GSE1: variants seen among roughly 807,000 people sequenced by gnomAD.
GSE1 encodes the protein genetic suppressor element 1.
Under a neutral mutation model 112.6 loss-of-function variants are expected in GSE1, and 32 were observed. The observed-to-expected ratio is 0.28, with a 90% CI of 0.21 to 0.38. The LOEUF (loss-of-function observed/expected upper bound fraction) is 0.38. Among genes scored for constraint, GSE1 ranks in the 10% least tolerant of loss-of-function variants. The probability of loss-of-function intolerance (pLI) is 1.00; values close to 1 mark genes in which losing one functional copy is unlikely to be tolerated. For synonymous variants in GSE1, 1,115 were observed against 735.6 expected (o/e 1.52, Z -8.35); for missense variants, 2,348 against 1,699.2 (o/e 1.38, Z -6.71).
intron 1 of GSE1, among the ~76,000 whole-genome samples, chr16:85,578,177 G>A (rs551171219): frequency 2.0e-5 from 3 of 152,244 alleles, no homozygotes; most frequent in South Asian, 2.1e-4. Context: ...CCCCTGAGCC[G>A]CCCCAGATAT....
intron 1 of GSE1, among the ~76,000 whole-genome samples, chr16:85,336,829 A>G (rs1289702831): frequency 2.6e-5 from 4 of 152,224 alleles, no homozygotes; most frequent in Non-Finnish European, 5.9e-5. Context: ...ATATGTATAC[A>G]TATGTCATGC....
intron 2 of GSE1, among the ~76,000 whole-genome samples, chr16:85,472,687 C>G (rs967146993): frequency 8.5e-5 from 13 of 152,246 alleles, no homozygotes; most frequent in Admixed American, 5.2e-4. Context: ...CTTGCTCAGT[C>G]TGACCCTGCT....
chr16:85,531,703 C>T (rs909258641), intron 2 of GSE1, among the ~76,000 whole-genome samples: 7 of 152,186 alleles, frequency 4.6e-5, no homozygotes, highest in African/African-American at 1.2e-4. Flanking sequence ...AGGGACTTGA[C>T]GTCTGAGGAA....
intron 1 of GSE1, among the ~76,000 whole-genome samples, chr16:85,325,023 A>G (rs535736249): frequency 6.6e-6 from 1 of 152,208 alleles, no homozygotes; most frequent in East Asian, 1.9e-4. Context: ...GCTGGAATGC[A>G]ATGGTACAAT....
At chr16:85,370,676 T>C (rs1339304146) in intron 2 of GSE1, among the ~76,000 whole-genome samples, 1 of 151,742 alleles carries the variant, frequency 6.6e-6, no homozygotes. Flanking sequence ...GGACGGCTGC[T>C]TCTGCCTGGA....
At chr16:85,583,299 TGCAGCTCTGCCA>T (rs1178905943) in intron 1 of GSE1, 2 of 152,530 alleles carry the variant, frequency 1.3e-5, no homozygotes, top group Non-Finnish European at 2.9e-5. Flanking sequence ...CCCTGTGCCC[TGCAGCTCTGCCA>T]GCAGCCCCTG....
intron 2 of GSE1, among the ~76,000 whole-genome samples, chr16:85,487,177 G>C (rs745810885): frequency 6.6e-6 from 1 of 152,190 alleles, no homozygotes; most frequent in South Asian, 2.1e-4. Context: ...CCTGCTCGAG[G>C]TGAGCATGGA....
At chr16:85,233,316 C>T (rs575007931) in intron 1 of GSE1, among the ~76,000 whole-genome samples, 5 of 152,336 alleles carry the variant, frequency 3.3e-5, no homozygotes, top group Admixed American at 6.5e-5. Context: ...GGGTGAACAG[C>T]CCAGTGCCTG....
rs1208784127 is a variant in GSE1 at position 85,525,405 on chromosome 16, C to G, written c.2465-108509C>G. Reference sequence around the variant, plus strand: ...CAGCTGTCGGCGTGGCTGTCATCTCCCCAGCGTTGGGGAAATCCAGGATGC... The same window carrying G: ...CAGCTGTCGGCGTGGCTGTCATCTCGCCAGCGTTGGGGAAATCCAGGATGC... On this transcript the variant is annotated intron_variant, in intron 2 of 2. Transcript: ENST00000637419. Among the ~76,000 whole-genome samples the G allele has an allele frequency of 3.9e-5, 6 of 152,328 alleles. No homozygotes were observed. In the East Asian group the frequency reaches 1.2e-3, roughly 29 times the overall value.
chr16:85,474,424 G>A (rs2050389049), intron 2 of GSE1, among the ~76,000 whole-genome samples: 1 of 152,154 alleles, frequency 6.6e-6, no homozygotes, highest in Non-Finnish European at 1.5e-5. Context: ...GAGGGAGGCG[G>A]GTGGGGGACC....
chr16:85,312,950 G>T (rs927890386), intron 1 of GSE1, among the ~76,000 whole-genome samples: 1 of 152,190 alleles, frequency 6.6e-6, no homozygotes, highest in African/African-American at 2.4e-5. Flanking sequence ...AGGCCAAGGG[G>T]CAGGGGATGA....
Position 85,311,669 on chromosome 16 carries a change from CT to C in GSE1, c.2284-45793del, listed in dbSNP as rs1157826580. ...GGCTGTGTACCTGGGCCTGGTGGCT[CT>C]GTCTGTGGCTCTCTTGGGGCCCTGG... is the stretch of plus-strand genomic sequence containing the variant. On this transcript the variant is annotated intron_variant, in intron 1 of 2. Transcript: ENST00000637419. The surrounding 1 kb of genome is among the most constrained non-coding windows in gnomAD (Gnocchi z 4.2). 6.6e-6 allele frequency among the ~76,000 whole-genome samples: 1 copy of C among 152,124 alleles called. No individual in the cohort carries two copies. The highest frequency in any genetic ancestry group is 1.9e-4 in the East Asian group (1 of 5,184).
Position 85,673,775 on chromosome 16 carries a change from C to G in GSE1, c.*1236C>G, listed in dbSNP as rs1209621827. On this transcript the variant is annotated 3_prime_UTR_variant, in exon 16 of 16. Coordinates refer to ENST00000253458, the MANE Select transcript of GSE1 (RefSeq NM_014615.5). Reference sequence around the variant, plus strand: ...GGTAGTCTGTAGAACCCATGTGTGACAGTCATGTGCACACATGGGCGGGGG... The same window carrying G: ...GGTAGTCTGTAGAACCCATGTGTGAGAGTCATGTGCACACATGGGCGGGGG... The G allele has an allele frequency of 6.6e-6, 1 of 152,162 alleles. No homozygotes were observed. Among genetic ancestry groups the G allele is most frequent in the African/African-American group, 2.4e-5 (1 of 41,418 alleles). 9.4% of individuals were successfully genotyped at this position (152,162 alleles called of 1,614,324 possible).
Position 85,419,576 on chromosome 16 carries a change from A to C in GSE1, c.2464+61933A>C, listed in dbSNP as rs2048780686. Among the ~76,000 whole-genome samples the C allele has an allele frequency of 6.6e-6, 1 of 151,268 alleles. No individual in the cohort carries two copies. The highest frequency in any genetic ancestry group is 6.6e-5 in the Admixed American group (1 of 15,144). On this transcript the variant is annotated intron_variant, in intron 2 of 2. Transcript: ENST00000637419. The surrounding 1 kb of genome is among the most constrained non-coding windows in gnomAD (Gnocchi z 6.5). ...AGCCATGACTGCATCACTGTACTCCAGCCTGGGCAATAGAGCAAGGCTGTG... is the reference window on the plus strand; with the variant it reads ...AGCCATGACTGCATCACTGTACTCCCGCCTGGGCAATAGAGCAAGGCTGTG...
intron 2 of GSE1, among the ~76,000 whole-genome samples, chr16:85,522,908 G>A (rs576706246): frequency 6.6e-6 from 1 of 152,026 alleles, no homozygotes; most frequent in African/African-American, 2.4e-5. Flanking sequence ...GTGTGACTTT[G>A]TGTTTGTGTA....
chr16:85,248,485 TCTCCCTCC>T (rs970876237), intron 1 of GSE1, among the ~76,000 whole-genome samples: 19 of 151,988 alleles, frequency 1.3e-4, no homozygotes, highest in African/African-American at 4.6e-4. Flanking sequence ...CGTCTTTCTC[TCTCCCTCC>T]CTTTCTCTGC....
chr16:85,267,508 G>A (rs1908379193), intron 1 of GSE1, among the ~76,000 whole-genome samples: 1 of 152,112 alleles, frequency 6.6e-6, no homozygotes, highest in African/African-American at 2.4e-5. Flanking sequence ...CGCATGTACA[G>A]GTGGGTTAAA....
intron 1 of GSE1, among the ~76,000 whole-genome samples, chr16:85,562,416 G>A (rs2045563259): frequency 7.0e-6 from 1 of 143,396 alleles, no homozygotes; most frequent in South Asian, 2.5e-4. Flanking sequence ...ATGTGTTGTT[G>A]TTACGCCATG....
At chr16:85,585,443 CCCCATGGAGTACG>C (rs1219746204) in intron 1 of GSE1, among the ~76,000 whole-genome samples, 7 of 152,228 alleles carry the variant, frequency 4.6e-5, no homozygotes, top group South Asian at 4.1e-4. Context: ...TGCCGTGAGA[CCCCATGGAGTACG>C]CCCAGGACAG....
Sources: gnomAD v4.1 joint callset for allele counts (sites outside exome capture counted in the v4.1 genomes callset) on GRCh38, gnomAD v4.1.1 for gene constraint, Gnocchi (gnomAD v3.1) non-coding constraint, MANE v1.5 for transcripts, NCBI Gene and HGNC (gene_info 2026-07-23, HGNC 2026-07-21) for gene names.